The following EEA1 variants were observed in gnomAD, a reference collection of about 807,000 sequenced individuals.
The protein encoded by EEA1 is early endosome antigen 1, 162kD.
Under a neutral mutation model 209.2 loss-of-function variants are expected in EEA1, and 111 were observed. That is an observed-to-expected ratio of 0.53 (90% CI 0.45 to 0.62). The LOEUF is 0.62. EEA1 is among the 20% of genes least tolerant of loss of function. The pLI, the probability that EEA1 is intolerant of heterozygous loss-of-function variation, is 0.00. For missense variants in EEA1, 1,343 were observed against 1,530.8 expected (o/e 0.88, Z 2.05); for synonymous variants, 536 against 540.6 (o/e 0.99, Z 0.12).
chr12:92,791,789 G>C (rs1009427502), intron 21 of EEA1, among the ~76,000 whole-genome samples: 1 of 152,150 alleles, frequency 6.6e-6, no homozygotes, highest in Non-Finnish European at 1.5e-5. Context: ...GACATCTACA[G>C]AACTCTCCAC....
intron 9 of EEA1, among the ~76,000 whole-genome samples, chr12:92,845,628 A>G (rs1225995097): frequency 1.3e-5 from 2 of 152,108 alleles, no homozygotes; most frequent in Non-Finnish European, 2.9e-5. Context: ...CGACAACTCT[A>G]AAACTGTTCT....
chr12:92,888,229 C>G (rs1052607379), intron 2 of EEA1, among the ~76,000 whole-genome samples: 3 of 152,244 alleles, frequency 2.0e-5, no homozygotes, highest in Admixed American at 6.5e-5. Flanking sequence ...TAGACTGAAA[C>G]TGAGAGTCTA....
rs998983873 is a variant in EEA1, at chr12:92,929,293, T to A, written c.-227A>T. On this transcript the variant is annotated 5_prime_UTR_variant, in exon 1 of 29. Transcript: ENST00000322349. ...AACGACTAGGCAGCCTGCGAGCGCC[T>A]CCAGCCCGCCCGCCGGGCAGCCCCC... 1.0e-5 allele frequency: 2 copies of A among 198,418 alleles called. No individual in the cohort carries two copies. Among genetic ancestry groups the A allele is most frequent in the African/African-American group, 2.5e-5 (1 of 40,656 alleles). The allele number at this position is 198,418 out of a possible 1,614,324, so 12.3% of individuals were successfully genotyped here. A position where few individuals can be genotyped will look rare whatever the true frequency, so the allele number is the denominator to read the frequency against.
chr12:92,919,077 C>T (rs1413207956), intron 1 of EEA1, among the ~76,000 whole-genome samples: 1 of 150,176 alleles, frequency 6.7e-6, no homozygotes, highest in Admixed American at 6.6e-5. Flanking sequence ...AGACCAATAA[C>T]AGGATCTGAA....
chr12:92,899,623 T>G (rs1471514177), intron 1 of EEA1, among the ~76,000 whole-genome samples: 1 of 152,222 alleles, frequency 6.6e-6, no homozygotes, highest in African/African-American at 2.4e-5. Flanking sequence ...CTGTCCTCAT[T>G]GGGAAAGTTA....
intron 24 of EEA1, among the ~76,000 whole-genome samples, chr12:92,779,529 T>C (rs966806877): frequency 6.6e-6 from 1 of 152,034 alleles, no homozygotes; most frequent in African/African-American, 2.4e-5. Context: ...GTTTTGATTA[T>C]GTGGAGAAAA....
At chr12:92,915,309 A>G (rs7974911) in intron 1 of EEA1, among the ~76,000 whole-genome samples, 2,573 of 152,250 alleles carry the variant, frequency 0.017, 32 homozygotes, top group East Asian at 0.04. Context: ...TCTACAAAAA[A>G]TACAAAAAAG....
chr12:92,823,613 T>C (rs189033064), intron 13 of EEA1, among the ~76,000 whole-genome samples: 32 of 152,352 alleles, frequency 2.1e-4, no homozygotes, highest in African/African-American at 1.4e-4. Context: ...ACTAGACTCA[T>C]TACATCTGTT....
At position 92,929,183 on chromosome 12, in the gene EEA1, C is replaced by A. The variant is rs1255124485; in HGVS notation, c.-117G>T. 2 of 999,172 alleles carry A rather than the reference C, an allele frequency of 2.0e-6. No homozygotes were observed. The highest frequency in any genetic ancestry group is 1.8e-5 in the African/African-American group (1 of 56,814). 61.9% of individuals were successfully genotyped at this position (999,172 alleles called of 1,614,324 possible). A position where few individuals can be genotyped will look rare whatever the true frequency, so the allele number is the denominator to read the frequency against. On this transcript the variant is annotated 5_prime_UTR_variant, in exon 1 of 29. Coordinates refer to ENST00000322349, the MANE Select transcript of EEA1 (RefSeq NM_003566.4). ...GCCGGGAGGGGACCGGGAAGGAGGT[C>A]GGGGCGAGGCGGTGGCGACGGCCGC...
intron 9 of EEA1, 112 bp downstream of exon 9, chr12:92,850,999 A>T (rs2136708706): frequency 2.0e-6 from 2 of 1,005,924 alleles, no homozygotes; most frequent in East Asian, 5.1e-5. Context: ...AATGAAAGAA[A>T]GACAAATATT....
At chr12:92,826,424 C>A (rs559161831) in intron 12 of EEA1, 139 bp from the exon 13 acceptor site, 28 of 730,546 alleles carry the variant, frequency 3.8e-5, no homozygotes, top group African/African-American at 5.4e-5. Context: ...AAAAGTGGTA[C>A]CTTGGCTGGG....
In EEA1 at chr12:92,802,721, T is replaced by G. The variant is rs145334527; in HGVS notation, c.2353A>C (p.Arg785=). The change falls in exon 19 of 29, where the codon AGA becomes CGA. Residue 785 remains arginine (R), a synonymous_variant. Transcript: ENST00000322349. ...TCAGATTTTTTCTGTAGATCCAATC[T>G]TGTACTGGATACTCTAAATATTTAA... ...EMEKEIVSST[R]LDLQKKSEAL... is the part of the protein sequence containing the mutation. 50 of 1,577,336 alleles carry G rather than the reference T, an allele frequency of 3.2e-5. No homozygotes were observed. Among genetic ancestry groups the G allele is most frequent in the Admixed American group, 4.1e-5 (2 of 49,352 alleles).
chr12:92,923,229 T>C (rs1881076813), intron 1 of EEA1, among the ~76,000 whole-genome samples: 2 of 151,670 alleles, frequency 1.3e-5, no homozygotes, highest in Non-Finnish European at 2.9e-5. Flanking sequence ...GCGCCTGTAG[T>C]CCCAGCTACT....
Position 92,828,196 on chromosome 12 carries a change from T to TAAG in EEA1, c.1255-138_1255-136dup, listed in dbSNP as rs111761812. The TAAG allele has an allele frequency of 6.9e-6, 4 of 575,668 alleles. No homozygotes were observed. In the African/African-American group the frequency reaches 7.7e-5, roughly 11 times the overall value. 35.7% of individuals were successfully genotyped at this position (575,668 alleles called of 1,614,324 possible). On this transcript the variant is annotated intron_variant, in intron 11 of 28. Coordinates refer to ENST00000322349, the MANE Select transcript of EEA1 (RefSeq NM_003566.4). ...ATTTTCGTGATACTTTGGGGAAACC[T>TAAG]AAGATTTTATACAGTAATTTTAACT... is the stretch of plus-strand genomic sequence containing the variant.
At chr12:92,925,706 GT>G (rs1165115611) in intron 1 of EEA1, among the ~76,000 whole-genome samples, 11 of 151,972 alleles carry the variant, frequency 7.2e-5, no homozygotes, top group African/African-American at 2.7e-4. Flanking sequence ...AGGTTTTTTT[GT>G]TTTTGTTTTC....
In EEA1 at chr12:92,802,607, T is replaced by C. The variant is rs771391730; in HGVS notation, c.2467A>G (p.Thr823Ala). 35 of 1,603,566 alleles carry C rather than the reference T, an allele frequency of 2.2e-5. No individual in the cohort carries two copies. The Admixed American group carries it at 5.6e-4, about 26-fold the overall frequency. The change falls in exon 19 of 29, where the codon ACA becomes GCA. Residue 823 changes from threonine to alanine, a missense_variant. Around this residue, in one of 3 missense-constraint regions of EEA1, gnomAD observed 1,307 missense variants for 1,465.5 expected, o/e 0.89. Transcript: ENST00000322349. ...KQDFETLSQE[T>A]KIQHEELNNR... ...TTCAATTCCTCATGCTGAATCTTTGTTTCTTGACTTAAAGTTTCAAAATCT... is the reference window on the plus strand; with the variant it reads ...TTCAATTCCTCATGCTGAATCTTTGCTTCTTGACTTAAAGTTTCAAAATCT...
intron 18 of EEA1, 32 bp downstream of exon 18, chr12:92,808,985 C>T: frequency 1.3e-6 from 2 of 1,545,166 alleles, no homozygotes; most frequent in Non-Finnish European, 1.7e-6. Context: ...CAATCTTTTC[C>T]CTTAATTTGT....
intron 1 of EEA1, among the ~76,000 whole-genome samples, chr12:92,904,506 C>G (rs868069711): frequency 1.3e-5 from 2 of 152,210 alleles, no homozygotes; most frequent in Non-Finnish European, 1.5e-5. Context: ...CTGACACTAT[C>G]TGGAATTAGC....
intron 1 of EEA1, among the ~76,000 whole-genome samples, chr12:92,906,073 A>ATTTTC (rs752513137): frequency 6.1e-5 from 9 of 148,246 alleles, no homozygotes; most frequent in Non-Finnish European, 8.9e-5. Context: ...CACCTGGCTA[A>ATTTTC]TTTTCTTTTC....
Sources: gnomAD v4.1 joint callset for allele counts (sites outside exome capture counted in the v4.1 genomes callset) on GRCh38, gnomAD v4.1.1 for gene constraint, gnomAD v4.1.1 regional missense constraint, MANE v1.5 for transcripts, NCBI Gene and HGNC (gene_info 2026-07-23, HGNC 2026-07-21) for gene names.